The following LUZP1 variants were observed in gnomAD, a reference collection of about 807,000 sequenced individuals.
LUZP1 encodes filamin mechanobinding actin cross-linking protein.
In LUZP1, 25 loss-of-function variants were observed where a neutral mutation model predicts 71.3. That is an observed-to-expected ratio of 0.35 (90% CI 0.26 to 0.49). LUZP1 has a LOEUF of 0.49. LUZP1 is among the 20% of genes least tolerant of loss of function. The pLI is 0.99. For missense variants in LUZP1, 1,142 were observed against 1,300.8 expected, an observed-to-expected ratio of 0.88 and a Z score of 1.88; for synonymous variants, 481 against 506.4, an observed-to-expected ratio of 0.95 and a Z score of 0.67.
chr1:23,126,550 T>G (rs532807524), intron 2 of LUZP1, among the ~76,000 whole-genome samples: 10 of 152,308 alleles, frequency 6.6e-5, no homozygotes, highest in African/African-American at 2.4e-4. Flanking sequence ...GAATGTAAGC[T>G]CTATTAGAAA....
chr1:23,155,583 T>A (rs1200555728), intron 2 of LUZP1, among the ~76,000 whole-genome samples: 5 of 152,236 alleles, frequency 3.3e-5, no homozygotes, highest in Admixed American at 3.3e-4. Context: ...GTACTGTAGC[T>A]GTCATATAGA....
intron 2 of LUZP1, among the ~76,000 whole-genome samples, chr1:23,143,512 T>C (rs1644320990): frequency 6.6e-6 from 1 of 152,228 alleles, no homozygotes; most frequent in Non-Finnish European, 1.5e-5. Flanking sequence ...ATGACTTTAG[T>C]AGAAACACTG....
chr1:23,104,674 C>A (rs1399970118), intron 3 of LUZP1, among the ~76,000 whole-genome samples: 1 of 152,146 alleles, frequency 6.6e-6, no homozygotes, highest in Middle Eastern at 3.2e-3. Flanking sequence ...CAGTCCTGGG[C>A]ACTGAATACA....
At chr1:23,142,003 C>A (rs1644307017) in intron 2 of LUZP1, among the ~76,000 whole-genome samples, 1 of 152,050 alleles carries the variant, frequency 6.6e-6, no homozygotes, top group African/African-American at 2.4e-5. Flanking sequence ...TGCCACCACA[C>A]CTGGCTAATT....
At chr1:23,151,026 T>G (rs933801013) in intron 2 of LUZP1, among the ~76,000 whole-genome samples, 8 of 152,138 alleles carry the variant, frequency 5.3e-5, no homozygotes, top group Non-Finnish European at 1.2e-4. Flanking sequence ...TCTATTTTTA[T>G]GATTTAGAAC....
chr1:23,172,519 A>T (rs936084161), intron 1 of LUZP1, among the ~76,000 whole-genome samples: 28 of 143,396 alleles, frequency 2.0e-4, no homozygotes, highest in Non-Finnish European at 2.5e-4. Flanking sequence ...TTATTTTTTT[A>T]TTTTTTTTTT....
chr1:23,162,581 G>C (rs1302051248), intron 2 of LUZP1: 1 of 152,034 alleles, frequency 6.6e-6, no homozygotes, highest in African/African-American at 2.4e-5. Flanking sequence ...TGGGACTACA[G>C]GTGCCTGCCA....
At chr1:23,119,462 A>G (rs1329862246) in intron 2 of LUZP1, among the ~76,000 whole-genome samples, 2 of 152,080 alleles carry the variant, frequency 1.3e-5, no homozygotes, top group Non-Finnish European at 2.9e-5. Flanking sequence ...ATAACAAGCT[A>G]TGGGTGTGAC....
At chr1:23,112,742 C>T (rs1193135733) in intron 2 of LUZP1, among the ~76,000 whole-genome samples, 3 of 152,108 alleles carry the variant, frequency 2.0e-5, no homozygotes, top group African/African-American at 7.2e-5. Context: ...AGCTGAAGTT[C>T]CAATCAAAAA....
intron 3 of LUZP1, among the ~76,000 whole-genome samples, chr1:23,102,436 C>T (rs1384578793): frequency 2.0e-5 from 3 of 152,140 alleles, no homozygotes; most frequent in African/African-American, 7.2e-5. Flanking sequence ...GATTCACTTC[C>T]TGTTCCCAAT....
chr1:23,086,868 C>T (rs906065783), exon 5 of LUZP1: 5 of 152,546 alleles, frequency 3.3e-5, no homozygotes, highest in African/African-American at 1.2e-4. Context: ...ATTGGCAAAA[C>T]TCTGGGAAGC....
At position 23,172,971 on chromosome 1, in the gene LUZP1, C is replaced by T. The variant is rs548274052; in HGVS notation, c.-484-3947G>A. Among the ~76,000 whole-genome samples the T allele has an allele frequency of 1.5e-3, 228 of 151,026 alleles. 2 individuals carry two copies. The highest frequency in any genetic ancestry group is 5.5e-3 in the African/African-American group (225 of 41,184). ...CTGAGTAGCTGGGATTACAGGCCTG[C>T]GACACCATGCCCGGCTAATTTTTGT... On this transcript the variant is annotated intron_variant, in intron 1 of 4. Transcript: ENST00000302291.
chr1:23,117,837 A>G (rs1486697380), intron 2 of LUZP1, among the ~76,000 whole-genome samples: 1 of 152,164 alleles, frequency 6.6e-6, no homozygotes. Context: ...CACGGCTGTA[A>G]TCCCAGCGCT....
chr1:23,097,175 T>C (rs1336457738), intron 3 of LUZP1, among the ~76,000 whole-genome samples: 1 of 152,182 alleles, frequency 6.6e-6, no homozygotes, highest in Admixed American at 6.5e-5. Flanking sequence ...TGCTGATCCC[T>C]AATACTATCT....
intron 2 of LUZP1, among the ~76,000 whole-genome samples, chr1:23,165,194 T>C (rs912395925): frequency 6.6e-6 from 1 of 152,094 alleles, no homozygotes; most frequent in Non-Finnish European, 1.5e-5. Flanking sequence ...CCTCATAACA[T>C]TCCCAGGGAT....
At chr1:23,092,716 G>C in exon 4 of LUZP1, 1 of 1,614,070 alleles carries the variant, frequency 6.2e-7, no homozygotes, top group Non-Finnish European at 8.5e-7. Flanking sequence ...ACAGATCCAT[G>C]GGTGGTGTCA....
At chr1:23,169,923 A>G (rs1188456340) in intron 1 of LUZP1, among the ~76,000 whole-genome samples, 2 of 151,926 alleles carry the variant, frequency 1.3e-5, no homozygotes, top group South Asian at 2.1e-4. Flanking sequence ...TTTATTGCCT[A>G]TGGAATAAAG....
intron 2 of LUZP1, among the ~76,000 whole-genome samples, chr1:23,125,415 C>T (rs1644164608): frequency 6.6e-6 from 1 of 152,140 alleles, no homozygotes; most frequent in African/African-American, 2.4e-5. Flanking sequence ...AAATCATATA[C>T]TTTCTCAATA....
chr1:23,125,397 T>C (rs1207150355), intron 2 of LUZP1, among the ~76,000 whole-genome samples: 1 of 152,232 alleles, frequency 6.6e-6, no homozygotes, highest in Non-Finnish European at 1.5e-5. Context: ...AGTGTCTTAC[T>C]ATGAAGTAAA....
Sources: allele counts gnomAD v4.1 joint callset (sites outside exome capture counted in the v4.1 genomes callset), GRCh38; gene constraint gnomAD v4.1.1; transcripts MANE v1.5; gene names NCBI Gene and HGNC (gene_info 2026-07-23, HGNC 2026-07-21).